Variants in ROBO1 observed in about 807,000 individuals in gnomAD.
The protein encoded by ROBO1 is roundabout homolog 1.
In ROBO1, 149 loss-of-function variants were observed where a neutral mutation model predicts 195.9. The ratio of observed to expected loss-of-function variants is 0.76; its 90% CI spans 0.67 to 0.87. The LOEUF (loss-of-function observed/expected upper bound fraction) is 0.87. ROBO1 is among the 40% of genes least tolerant of loss of function. The pLI is 0.00. For missense variants in ROBO1, 1,933 were observed against 2,068.3 expected (o/e 0.93, Z 1.27); for synonymous variants, 816 against 733.2 (o/e 1.11, Z -1.82).
At chr3:79,408,576 A>C (rs2037643649) in intron 2 of ROBO1, among the ~76,000 whole-genome samples, 1 of 152,002 alleles carries the variant, frequency 6.6e-6, no homozygotes, top group Non-Finnish European at 1.5e-5. Context: ...ATTGAGAGTG[A>C]TATGGTGTGC....
chr3:78,860,326 A>ATATATATATATATATATAT (rs376853384), intron 4 of ROBO1, among the ~76,000 whole-genome samples: 50 of 93,518 alleles, frequency 5.3e-4, no homozygotes, highest in African/African-American at 1.4e-3. Flanking sequence ...ATATATATAT[A>ATATATATATATATATATAT]TTTTTTTTTT....
At chr3:78,932,989 T>C (rs1334118540) in intron 4 of ROBO1, among the ~76,000 whole-genome samples, 2 of 152,152 alleles carry the variant, frequency 1.3e-5, no homozygotes, top group African/African-American at 4.8e-5. Context: ...CACTCTAAGA[T>C]CTTTCTAGAA....
chr3:79,354,909 T>A (rs1289485585), intron 2 of ROBO1, among the ~76,000 whole-genome samples: 1 of 152,226 alleles, frequency 6.6e-6, no homozygotes, highest in Non-Finnish European at 1.5e-5. Flanking sequence ...GGCTCACGCC[T>A]GTAATCCCAA....
chr3:79,094,188 G>T (rs1345676516), intron 3 of ROBO1, among the ~76,000 whole-genome samples: 1 of 152,050 alleles, frequency 6.6e-6, no homozygotes, highest in East Asian at 1.9e-4. Flanking sequence ...AGAGTTATGG[G>T]AGTTGCTTAT....
chr3:79,479,038 G>A (rs1282323057), intron 2 of ROBO1, among the ~76,000 whole-genome samples: 1 of 152,216 alleles, frequency 6.6e-6, no homozygotes, highest in Admixed American at 6.5e-5. Context: ...TGAGAGTCAC[G>A]CTGTATTATA....
chr3:79,057,447 C>A (rs2108388899), intron 3 of ROBO1, among the ~76,000 whole-genome samples: 1 of 152,082 alleles, frequency 6.6e-6, no homozygotes, highest in South Asian at 2.1e-4. Context: ...CAGAGACCAC[C>A]CTCAGACATG....
At chr3:79,410,664 A>AAGAAAGAAAGAAAAAGAAAGGAG (rs1314903648) in intron 2 of ROBO1, among the ~76,000 whole-genome samples, 2 of 151,748 alleles carry the variant, frequency 1.3e-5, no homozygotes. Context: ...GAGGGAGGGA[A>AAGAAAGAAAGAAAAAGAAAGGAG]AGAAAGAAAG....
At chr3:79,643,681 T>A (rs1945733328) in intron 1 of ROBO1, among the ~76,000 whole-genome samples, 1 of 152,118 alleles carries the variant, frequency 6.6e-6, no homozygotes. Flanking sequence ...ATCTATGAGG[T>A]GTTCTTTGTA....
At chr3:79,330,629 A>T (rs2034403693) in intron 2 of ROBO1, among the ~76,000 whole-genome samples, 2 of 136,574 alleles carry the variant, frequency 1.5e-5, no homozygotes, top group Non-Finnish European at 3.1e-5. Flanking sequence ...CAAAGTTTGT[A>T]TGGCCTGCCA....
intron 4 of ROBO1, among the ~76,000 whole-genome samples, chr3:78,933,696 CT>C (rs2039654477): frequency 6.6e-6 from 1 of 151,918 alleles, no homozygotes; most frequent in Non-Finnish European, 1.5e-5. Flanking sequence ...GCAAAAAAGT[CT>C]TCAATAAACA....
intron 2 of ROBO1, among the ~76,000 whole-genome samples, chr3:79,309,018 G>C (rs1049279423): frequency 3.3e-5 from 5 of 151,986 alleles, no homozygotes; most frequent in Admixed American, 3.3e-4. Flanking sequence ...CTTGTCATAG[G>C]GACATTGTCT....
chr3:79,056,616 G>A (rs2078814321), intron 3 of ROBO1, among the ~76,000 whole-genome samples: 1 of 152,088 alleles, frequency 6.6e-6, no homozygotes, highest in South Asian at 2.1e-4. Context: ...TCCAACCTAT[G>A]CGCTGTCTAA....
At chr3:79,249,964 T>C (rs1397681250) in intron 2 of ROBO1, among the ~76,000 whole-genome samples, 2 of 152,084 alleles carry the variant, frequency 1.3e-5, no homozygotes, top group Non-Finnish European at 2.9e-5. Context: ...GAGTGGTTGG[T>C]TGGAATAATA....
At chr3:79,417,216 C>G (rs2038041537) in intron 2 of ROBO1, among the ~76,000 whole-genome samples, 1 of 152,180 alleles carries the variant, frequency 6.6e-6, no homozygotes, top group East Asian at 1.9e-4. Context: ...TTGGGGTTTT[C>G]TTTCTGCTCT....
chr3:79,554,048 T>C (rs1942614866), intron 2 of ROBO1, among the ~76,000 whole-genome samples: 3 of 152,052 alleles, frequency 2.0e-5, no homozygotes, highest in Admixed American at 2.0e-4. Context: ...TGAATAATAA[T>C]GATGGTTATA....
At chr3:79,617,644 C>G (rs1358895758) in intron 1 of ROBO1, among the ~76,000 whole-genome samples, 3 of 151,838 alleles carry the variant, frequency 2.0e-5, no homozygotes, top group Admixed American at 2.0e-4. Flanking sequence ...AGAACTCTTA[C>G]AGTACAAAAA....
At chr3:79,048,361 C>G (rs987926523) in intron 3 of ROBO1, among the ~76,000 whole-genome samples, 1 of 152,012 alleles carries the variant, frequency 6.6e-6, no homozygotes, top group Non-Finnish European at 1.5e-5. Context: ...AATTGCAATA[C>G]CCCCATAACA....
At chr3:79,134,727 T>C (rs2080365413) in intron 2 of ROBO1, among the ~76,000 whole-genome samples, 1 of 77,298 alleles carries the variant, frequency 1.3e-5, no homozygotes, top group Non-Finnish European at 2.5e-5. Context: ...GATGAGTTCA[T>C]GTCCTTTGTA....
chr3:78,738,106 A>G (rs2082434894), intron 5 of ROBO1, among the ~76,000 whole-genome samples: 1 of 152,160 alleles, frequency 6.6e-6, no homozygotes, highest in Admixed American at 6.6e-5. Context: ...AAGGGAGGAG[A>G]AGCAGATGGC....
Sources: gnomAD v4.1 joint callset for allele counts (sites outside exome capture counted in the v4.1 genomes callset) on GRCh38, gnomAD v4.1.1 for gene constraint, MANE v1.5 for transcripts, NCBI Gene and HGNC (gene_info 2026-07-23, HGNC 2026-07-21) for gene names.